TNNI3K: variants seen among roughly 807,000 people sequenced by gnomAD.
The protein encoded by TNNI3K is TNNI3 interacting kinase.
In TNNI3K, 140 loss-of-function variants were observed where a neutral mutation model predicts 114.5. That is an observed-to-expected ratio of 1.22 (90% confidence interval 1.07 to 1.41). The LOEUF is 1.41. TNNI3K is among the 40% of genes most tolerant of loss of function. TNNI3K has a pLI of 0.00. For missense variants in TNNI3K, 1,125 were observed against 1,007.6 expected, an observed-to-expected ratio of 1.12 and a Z score of -1.58; for synonymous variants, 347 against 347.5, an observed-to-expected ratio of 1.00 and a Z score of 0.02.
chr1:74,267,727 T>C (rs1656087496), intron 4 of TNNI3K, among the ~76,000 whole-genome samples: 1 of 151,944 alleles, frequency 6.6e-6, no homozygotes, highest in Non-Finnish European at 1.5e-5. Context: ...TTAAAAAGTA[T>C]TTAGATCAAT....
At chr1:74,445,821 A>G (rs1349758286) in intron 20 of TNNI3K, among the ~76,000 whole-genome samples, 3 of 151,986 alleles carry the variant, frequency 2.0e-5, no homozygotes, top group South Asian at 2.1e-4. Context: ...CATTTTAGCC[A>G]GGATGGTCTC....
At chr1:74,285,153 C>G (rs1657251923) in intron 5 of TNNI3K, among the ~76,000 whole-genome samples, 1 of 152,196 alleles carries the variant, frequency 6.6e-6, no homozygotes, top group African/African-American at 2.4e-5. Context: ...AGGCCCGTGT[C>G]CAGATCTTTT....
At chr1:74,427,034 C>G (rs1197508090) in intron 17 of TNNI3K, among the ~76,000 whole-genome samples, 2 of 152,078 alleles carry the variant, frequency 1.3e-5, no homozygotes, top group Admixed American at 6.6e-5. Flanking sequence ...CTTTTCCTTT[C>G]AATTCTAAAA....
chr1:74,500,458 G>T (rs1283737944), intron 23 of TNNI3K, among the ~76,000 whole-genome samples: 1 of 151,346 alleles, frequency 6.6e-6, no homozygotes, highest in Non-Finnish European at 1.5e-5. Flanking sequence ...AAAAAAATTA[G>T]CCGGGCGTAG....
chr1:74,310,435 C>A (rs1658916950), intron 5 of TNNI3K, among the ~76,000 whole-genome samples: 1 of 152,106 alleles, frequency 6.6e-6, no homozygotes, highest in Non-Finnish European at 1.5e-5. Flanking sequence ...TTTCAAATTA[C>A]CAATGTCATT....
intron 17 of TNNI3K, among the ~76,000 whole-genome samples, chr1:74,383,472 A>T (rs45592138): frequency 1.3e-5 from 2 of 152,010 alleles, no homozygotes; most frequent in African/African-American, 4.8e-5. Flanking sequence ...CACTTTCTCC[A>T]TAAAACTTTC....
chr1:74,361,929 C>T (rs1452880983), intron 11 of TNNI3K, among the ~76,000 whole-genome samples: 1 of 152,112 alleles, frequency 6.6e-6, no homozygotes, highest in East Asian at 1.9e-4. Flanking sequence ...GTGGATTCTT[C>T]TCTTAAGGTA....
chr1:74,411,916 T>G (rs187665830), intron 17 of TNNI3K, among the ~76,000 whole-genome samples: 5 of 152,200 alleles, frequency 3.3e-5, no homozygotes, highest in East Asian at 1.9e-4. Context: ...GAGAATTGGG[T>G]AAATTAGAGT....
At chr1:74,238,663 A>G (rs1654007032) in intron 2 of TNNI3K, among the ~76,000 whole-genome samples, 1 of 152,100 alleles carries the variant, frequency 6.6e-6, no homozygotes, top group Non-Finnish European at 1.5e-5. Flanking sequence ...GAATTTTGAG[A>G]CTAGAGTATT....
intron 23 of TNNI3K, chr1:74,512,690 C>G (rs1177461888): frequency 6.6e-6 from 1 of 152,236 alleles, no homozygotes. Context: ...TCCTTTAGTG[C>G]CTGGAATAAC....
At chr1:74,497,922 G>C (rs775270994) in intron 23 of TNNI3K, among the ~76,000 whole-genome samples, 2 of 152,176 alleles carry the variant, frequency 1.3e-5, no homozygotes, top group Non-Finnish European at 2.9e-5. Flanking sequence ...TAAACAGAGA[G>C]TGATACTGTC....
rs557904641 is a variant in TNNI3K at position 74,525,869 on chromosome 1, AG to A, written c.2352-14364del. On this transcript the variant is annotated intron_variant, in intron 23 of 24. Coordinates refer to ENST00000326637, the MANE Select transcript of TNNI3K (RefSeq NM_015978.3). Reference sequence around the variant, plus strand: ...CAGCACATCACACCAGAGTGGGGTAAGAACCCCCACATTACTGGCAAGAGAA... The same window carrying A: ...CAGCACATCACACCAGAGTGGGGTAAAACCCCCACATTACTGGCAAGAGAA... Among the ~76,000 whole-genome samples the A allele has an allele frequency of 8.9e-4, 136 of 152,326 alleles. 1 individual carries two copies. Among genetic ancestry groups the A allele is most frequent in the Admixed American group, 6.5e-3 (100 of 15,298 alleles).
chr1:74,287,306 A>T (rs1657393358), intron 5 of TNNI3K, among the ~76,000 whole-genome samples: 1 of 152,178 alleles, frequency 6.6e-6, no homozygotes, highest in Non-Finnish European at 1.5e-5. Context: ...TTATTGAAAG[A>T]TATCATGACA....
chr1:74,332,872 C>G (rs1429245648), intron 6 of TNNI3K, among the ~76,000 whole-genome samples: 2 of 150,234 alleles, frequency 1.3e-5, no homozygotes, highest in African/African-American at 4.9e-5. Flanking sequence ...GATTTTCAAC[C>G]TTAACATATC....
At chr1:74,458,026 C>T (rs571940869) in intron 20 of TNNI3K, among the ~76,000 whole-genome samples, 2 of 152,240 alleles carry the variant, frequency 1.3e-5, no homozygotes, top group Admixed American at 6.5e-5. Flanking sequence ...ATATCTAGCT[C>T]TCTAGGTTCA....
intron 5 of TNNI3K, among the ~76,000 whole-genome samples, chr1:74,305,811 T>C (rs1245888892): frequency 1.3e-5 from 2 of 152,232 alleles, no homozygotes; most frequent in Admixed American, 1.3e-4. Context: ...TGTTTTAATT[T>C]AATATATAAA....
chr1:74,448,574 A>G (rs2100691588), intron 20 of TNNI3K, among the ~76,000 whole-genome samples: 1 of 141,894 alleles, frequency 7.0e-6, no homozygotes, highest in Middle Eastern at 3.5e-3. Flanking sequence ...GTTTTTGCCC[A>G]TTCAGTATGA....
intron 9 of TNNI3K, among the ~76,000 whole-genome samples, chr1:74,351,694 C>G (rs2100471248): frequency 6.6e-6 from 1 of 152,270 alleles, no homozygotes; most frequent in South Asian, 2.1e-4. Context: ...CTAAACTTCT[C>G]TTCACACTTC....
intron 11 of TNNI3K, among the ~76,000 whole-genome samples, chr1:74,363,304 G>A (rs1318571538): frequency 6.6e-6 from 1 of 152,008 alleles, no homozygotes; most frequent in African/African-American, 2.4e-5. Context: ...ATACGTGGGT[G>A]CCTTAGCCCA....
Sources: gnomAD v4.1 joint callset for allele counts (sites outside exome capture counted in the v4.1 genomes callset) on GRCh38, gnomAD v4.1.1 for gene constraint, MANE v1.5 for transcripts, NCBI Gene and HGNC (gene_info 2026-07-23, HGNC 2026-07-21) for gene names.